F11R: variants seen among roughly 807,000 people sequenced by gnomAD.
The protein encoded by F11R is junctional adhesion molecule A.
F11R carries 27 observed loss-of-function variants against 39.3 expected under a neutral mutation model. The ratio of observed to expected loss-of-function variants is 0.69; its 90% CI spans 0.51 to 0.95. F11R has a LOEUF of 0.95. Among genes scored for constraint, F11R ranks in the 40% least tolerant of loss-of-function variants. The pLI is 0.00. For synonymous variants in F11R, 131 were observed against 144.9 expected (o/e 0.90, Z 0.69); for missense variants, 335 against 372.7 (o/e 0.90, Z 0.83).
Position 160,997,965 on chromosome 1 carries a change from CTTTCTTTTT to C in F11R, c.*897_*905del. On this transcript the variant is annotated 3_prime_UTR_variant, in exon 10 of 10. Transcript: ENST00000368026. Reference sequence around the variant, plus strand: ...AAGCCACCAGCTCCAGCTTTCTTTTCTTTCTTTTTTTTTTTGAGCTGGAGTTTTGCTCTT... The same window carrying C: ...AAGCCACCAGCTCCAGCTTTCTTTTCTTTTTTGAGCTGGAGTTTTGCTCTT... 1 of 97,490 alleles carries C rather than the reference CTTTCTTTTT, an allele frequency of 1.0e-5. No individual in the cohort carries two copies. Among genetic ancestry groups the C allele is most frequent in the South Asian group, 3.6e-4 (1 of 2,800 alleles). The allele number at this position is 97,490 out of a possible 1,614,324, so 6.0% of individuals were successfully genotyped here. A position where few individuals can be genotyped will look rare whatever the true frequency, so the allele number is the denominator to read the frequency against.
intron 1 of F11R, among the ~76,000 whole-genome samples, chr1:161,006,483 TTAGC>T (rs1648826593): frequency 6.6e-6 from 1 of 152,200 alleles, no homozygotes; most frequent in South Asian, 2.1e-4. Flanking sequence ...CACTTCTGGT[TTAGC>T]TAAAGTTCTT....
chr1:161,000,582 A>G (rs761531297), intron 4 of F11R, 49 bp downstream of exon 4: 5 of 1,611,830 alleles, frequency 3.1e-6, no homozygotes, highest in Non-Finnish European at 4.2e-6. Context: ...AGAGCCTGCT[A>G]TGAGAAGTAA....
At chr1:161,020,953 C>A (rs1649726760) in intron 1 of F11R, 57 bp downstream of exon 1, 1 of 1,522,756 alleles carries the variant, frequency 6.6e-7, no homozygotes, top group African/African-American at 1.4e-5. Flanking sequence ...GTGGGGAGAG[C>A]CTTCCTCCAA....
Position 161,003,184 on chromosome 1 carries a change from C to T in F11R, c.65-1831G>A, listed in dbSNP as rs537152131. Among the ~76,000 whole-genome samples the T allele has an allele frequency of 3.5e-4, 51 of 144,316 alleles. No individual in the cohort carries two copies. In the South Asian group the frequency reaches 9.3e-3, roughly 26 times the overall value. 94.7% of individuals were successfully genotyped at this position (144,316 alleles called of 152,430 possible). Reference sequence around the variant, plus strand: ...TGTTGCCCAGGCTGGAGTGCAATGGCGCAATCTCGGCTCACCGCAACCTCC... The same window carrying T: ...TGTTGCCCAGGCTGGAGTGCAATGGTGCAATCTCGGCTCACCGCAACCTCC... On this transcript the variant is annotated intron_variant, in intron 1 of 9. Transcript: ENST00000368026.
chr1:161,010,431 G>A (rs551744108), intron 1 of F11R, among the ~76,000 whole-genome samples: 10 of 29,282 alleles, frequency 3.4e-4, no homozygotes, highest in Non-Finnish European at 4.9e-4. Flanking sequence ...GTGACAGAGC[G>A]AGACTCCATC....
rs1648407552 is a variant in F11R, at chr1:161,000,330, G to A, written c.407C>T (p.Thr136Ile). 2 of 1,613,996 alleles carry A rather than the reference G, an allele frequency of 1.2e-6. No individual in the cohort carries two copies. Among genetic ancestry groups the A allele is most frequent in the Non-Finnish European group, 1.7e-6 (2 of 1,180,028 alleles). Reference sequence around the variant, plus strand: ...GGTGGCAGAGGAGGGGATGTTAACTGTAGGCTTGGATGGAGGCACTGTGGA... The same window carrying A: ...GGTGGCAGAGGAGGGGATGTTAACTATAGGCTTGGATGGAGGCACTGTGGA... ...LIVLVPPSKP[T>I]VNIPSSATIG... Residue 136 changes from threonine (T) to isoleucine (I), a missense_variant, in exon 5 of 10, where the codon ACA becomes ATA. Transcript: ENST00000368026.
At position 161,005,539 on chromosome 1, in the gene F11R, T is replaced by C. The variant is rs573695273; in HGVS notation, c.65-4186A>G. Among the ~76,000 whole-genome samples the C allele has an allele frequency of 1.1e-4, 16 of 151,978 alleles. No homozygotes were observed. In the East Asian group the frequency reaches 2.9e-3, roughly 28 times the overall value. Reference sequence around the variant, plus strand: ...AGCACGAGCCACCATGCCTGGCTAATTTTTTGTATTTTTAGCAGAAACAAG... The same window carrying C: ...AGCACGAGCCACCATGCCTGGCTAACTTTTTGTATTTTTAGCAGAAACAAG... On this transcript the variant is annotated intron_variant, in intron 1 of 9. Transcript: ENST00000368026.
In F11R at chr1:161,000,162, G is replaced by C. The variant is rs1648387900; in HGVS notation, c.575C>G (p.Pro192Arg). ...CATACATACCAGCTCTCCTGTTGTG[G>C]GATTCAGGACATAGGAAGAGTTGCT... The part of the protein sequence containing the change: ...AFSNSSYVLN[P>R]TTGELVFDPL... The change falls in exon 5 of 10, where the codon CCC becomes CGC. Residue 192 changes from proline to arginine, a missense_variant. Physicochemically the swap from Pro to Arg is moderately radical, Grantham distance 103. Transcript: ENST00000368026. 1.2e-6 allele frequency: 2 copies of C among 1,613,932 alleles called. No individual in the cohort carries two copies. The highest frequency in any genetic ancestry group is 1.7e-6 in the Non-Finnish European group (2 of 1,180,028).
chr1:161,007,338 G>T (rs1330865811), intron 1 of F11R, among the ~76,000 whole-genome samples: 1 of 151,694 alleles, frequency 6.6e-6, no homozygotes, highest in African/African-American at 2.4e-5. Context: ...GGTGGTGCAT[G>T]CCTGTAATCC....
chr1:161,015,925 T>A lies in F11R; in HGVS notation c.64+5085A>T, dbSNP rs184234978. ...AATTATAAAACCATGTCAATTAACCTATTCTAATTAAATTTTTTTAAAAAA... is the reference window on the plus strand; with the variant it reads ...AATTATAAAACCATGTCAATTAACCAATTCTAATTAAATTTTTTTAAAAAA... On this transcript the variant is annotated intron_variant, in intron 1 of 9. Transcript: ENST00000368026. Among the ~76,000 whole-genome samples, 119 of 152,224 alleles carry A rather than the reference T, an allele frequency of 7.8e-4. 1 individual carries two copies. The highest frequency in any genetic ancestry group is 2.7e-3 in the African/African-American group (114 of 41,518).
At chr1:161,015,633 T>A (rs192983472) in intron 1 of F11R, among the ~76,000 whole-genome samples, 1 of 148,460 alleles carries the variant, frequency 6.7e-6, no homozygotes, top group East Asian at 2.0e-4. Flanking sequence ...ATCATGCCAT[T>A]GTACTCCAGC....
chr1:161,010,417 C>T, intron 1 of F11R, among the ~76,000 whole-genome samples: 1 of 123,630 alleles, frequency 8.1e-6, no homozygotes. Context: ...GCACTCCAGC[C>T]TGGGTGACAG....
In F11R at chr1:161,001,104, A is replaced by C. The variant is rs763088871; in HGVS notation, c.157T>G (p.Ser53Ala). The change falls in exon 3 of 10, where the codon TCG (serine) becomes GCG (alanine). Residue 53 changes from serine to alanine, a missense_variant. Transcript: ENST00000368026. ...NNPVKLSCAYSGFSSPRVEWK... is the reference protein window; with the variant it reads ...NNPVKLSCAYAGFSSPRVEWK... Reference sequence around the variant, plus strand: ...TCCACACGGGGAGAAGAAAAGCCCGAGTAGGCACAGGACAACTTCACAGCT... The same window carrying C: ...TCCACACGGGGAGAAGAAAAGCCCGCGTAGGCACAGGACAACTTCACAGCT... 1 of 1,614,164 alleles carries C rather than the reference A, an allele frequency of 6.2e-7. No individual in the cohort carries two copies. The highest frequency in any genetic ancestry group is 8.5e-7 in the Non-Finnish European group (1 of 1,180,034).
chr1:161,006,643 G>C (rs769292933), intron 1 of F11R, among the ~76,000 whole-genome samples: 1 of 152,092 alleles, frequency 6.6e-6, no homozygotes, highest in Admixed American at 6.6e-5. Flanking sequence ...ACGAACCTCC[G>C]CCTTAGTGTC....
intron 1 of F11R, 120 bp from the exon 2 acceptor site, chr1:161,001,473 C>T: frequency 2.6e-6 from 2 of 759,312 alleles, no homozygotes; most frequent in Non-Finnish European, 4.4e-6. Flanking sequence ...GAAGGGATTC[C>T]AGACTTATGC....
chr1:161,001,488 T>C (rs1648488903), intron 1 of F11R, 135 bp from the exon 2 acceptor site: 3 of 687,434 alleles, frequency 4.4e-6, no homozygotes, highest in Non-Finnish European at 7.4e-6. Flanking sequence ...TTATGCTCCC[T>C]CTGGCTCTCA....
intron 1 of F11R, among the ~76,000 whole-genome samples, chr1:161,003,436 C>T (rs1648612699): frequency 1.3e-5 from 2 of 151,702 alleles, no homozygotes; most frequent in Admixed American, 1.3e-4. Flanking sequence ...CTAATTTTTG[C>T]ATTTTTAGTA....
chr1:161,019,450 C>T, intron 1 of F11R, among the ~76,000 whole-genome samples: 1 of 151,964 alleles, frequency 6.6e-6, no homozygotes, highest in East Asian at 1.9e-4. Context: ...AAAAAATTAG[C>T]CGGGCGTGAT....
rs975334196 is a variant in F11R at position 160,995,272 on chromosome 1, G to C, written c.*3599C>G. On this transcript the variant is annotated 3_prime_UTR_variant, in exon 10 of 10. Transcript: ENST00000368026. Reference sequence around the variant, plus strand: ...TTTCTTCATTTGTCTACTTTATTAAGCTGTCCTCAGGCCCCAAGAAACATA... The same window carrying C: ...TTTCTTCATTTGTCTACTTTATTAACCTGTCCTCAGGCCCCAAGAAACATA... 3.9e-5 allele frequency: 6 copies of C among 152,106 alleles called. No homozygotes were observed. Among genetic ancestry groups the C allele is most frequent in the African/African-American group, 1.5e-4 (6 of 41,346 alleles). 9.4% of individuals were successfully genotyped at this position (152,106 alleles called of 1,614,324 possible).
Sources: allele counts gnomAD v4.1 joint callset (sites outside exome capture counted in the v4.1 genomes callset), GRCh38; gene constraint gnomAD v4.1.1; transcripts MANE v1.5; gene names NCBI Gene and HGNC (gene_info 2026-07-23, HGNC 2026-07-21).